The following CPA3 variants were observed in gnomAD, a reference collection of about 807,000 sequenced individuals.
The protein encoded by CPA3 is carboxypeptidase A3.
CPA3 carries 52 observed loss-of-function variants against 55.8 expected under a neutral mutation model. That is an observed-to-expected ratio of 0.93 (90% CI 0.75 to 1.17). The LOEUF is 1.17. Among genes scored for constraint, CPA3 ranks in the 50% most tolerant of loss-of-function variants. The pLI is 0.00. For missense variants in CPA3, 547 were observed against 509.1 expected, an observed-to-expected ratio of 1.07 and a Z score of -0.72; for synonymous variants, 179 against 171.2, an observed-to-expected ratio of 1.05 and a Z score of -0.36.
At position 148,878,439 on chromosome 3, in the gene CPA3, A is replaced by T. The variant is rs771236993; in HGVS notation, c.270-2A>T. 2.5e-6 allele frequency: 4 copies of T among 1,591,684 alleles called. No homozygotes were observed. Among genetic ancestry groups the T allele is most frequent in the East Asian group, 4.5e-5 (2 of 44,730 alleles). On this transcript the variant is annotated splice_acceptor_variant, in intron 3 of 10. Coordinates refer to ENST00000296046, the MANE Select transcript of CPA3 (RefSeq NM_001870.4). LOFTEE classifies it high-confidence loss of function. ...GTATTTTATCATTCCCCTGTCAAAC[A>T]GAATCTTGATTCATGATCTACAAGA...
At chr3:148,877,256 G>A (rs981465987) in intron 3 of CPA3, among the ~76,000 whole-genome samples, 8 of 152,362 alleles carry the variant, frequency 5.3e-5, no homozygotes, top group Admixed American at 5.2e-4. Context: ...AGCACTTCAG[G>A]AGGCTGAGGT....
intron 10 of CPA3, among the ~76,000 whole-genome samples, chr3:148,894,145 A>G (rs1279819134): frequency 6.6e-6 from 1 of 152,212 alleles, no homozygotes; most frequent in Non-Finnish European, 1.5e-5. Flanking sequence ...CCACATGATG[A>G]TTGAATCAAA....
intron 10 of CPA3, among the ~76,000 whole-genome samples, chr3:148,887,117 AT>A (rs944390721): frequency 1.4e-3 from 209 of 151,764 alleles, no homozygotes; most frequent in Middle Eastern, 3.4e-3. Flanking sequence ...GAAATCAGTA[AT>A]TTTTTTTTCT....
At chr3:148,880,649 A>G (rs939876111) in intron 6 of CPA3, among the ~76,000 whole-genome samples, 97 of 152,136 alleles carry the variant, frequency 6.4e-4, no homozygotes, top group African/African-American at 2.3e-3. Flanking sequence ...CACTTTTTTA[A>G]AAGGTTTATC....
chr3:148,878,507 C>T lies in CPA3; in HGVS notation c.336C>T (p.Gly112=), dbSNP rs1408477146. The change falls in exon 4 of 11, where the codon GGC becomes GGT. Residue 112 remains glycine (G), a synonymous_variant. Coordinates refer to ENST00000296046, the MANE Select transcript of CPA3 (RefSeq NM_001870.4). The stretch of plus-strand genomic sequence containing the variant: ...TTGATGTTAAAGAAGATATCCCAGG[C>T]AGGCACAGCTACGCAAAATACAATA... ...KQFDVKEDIP[G]RHSYAKYNNW... is the part of the protein sequence containing the mutation. 2 of 1,613,470 alleles carry T rather than the reference C, an allele frequency of 1.2e-6. No homozygotes were observed. The highest frequency in any genetic ancestry group is 2.2e-5 in the East Asian group (1 of 44,828).
chr3:148,884,068 T>A (rs1356404554), intron 9 of CPA3, among the ~76,000 whole-genome samples: 1 of 152,168 alleles, frequency 6.6e-6, no homozygotes, highest in African/African-American at 2.4e-5. Flanking sequence ...AGGAAAGGCA[T>A]AATAGAAGTC....
chr3:148,883,287 G>A (rs899571867), intron 8 of CPA3, among the ~76,000 whole-genome samples: 4 of 152,154 alleles, frequency 2.6e-5, no homozygotes, highest in South Asian at 2.1e-4. Flanking sequence ...AGCCCCCAGC[G>A]CATTAGAGCT....
At position 148,879,857 on chromosome 3, in the gene CPA3, T is replaced by C; in HGVS notation, c.544T>C (p.Ser182Pro). 1.2e-6 allele frequency: 2 copies of C among 1,612,664 alleles called. No homozygotes were observed. The highest frequency in any genetic ancestry group is 1.7e-6 in the Non-Finnish European group (2 of 1,178,774). ...DCGIHAREWVSPAFCQWFVYQ... is the reference protein window; with the variant it reads ...DCGIHAREWVPPAFCQWFVYQ... ...TGGCATTCACGCACGAGAATGGGTCTCCCCAGCATTCTGCCAGTGGTTTGT... is the reference window on the plus strand; with the variant it reads ...TGGCATTCACGCACGAGAATGGGTCCCCCCAGCATTCTGCCAGTGGTTTGT... Residue 182 changes from serine (S) to proline (P), a missense_variant, in exon 6 of 11, where the codon TCC (serine) becomes CCC (proline). Transcript: ENST00000296046.
chr3:148,867,082 T>C (rs895307418), intron 2 of CPA3, among the ~76,000 whole-genome samples: 2 of 152,194 alleles, frequency 1.3e-5, no homozygotes, highest in Admixed American at 6.5e-5. Context: ...GGTATTGGTA[T>C]AGCATTCAAA....
intron 6 of CPA3, 97 bp downstream of exon 6, chr3:148,879,986 G>C: frequency 1.3e-6 from 1 of 783,132 alleles, no homozygotes; most frequent in Non-Finnish European, 2.2e-6. Context: ...ATTCCACTTA[G>C]CTAGAAGAGC....
At chr3:148,896,128 C>T (rs1470311908) in intron 10 of CPA3, among the ~76,000 whole-genome samples, 1 of 151,294 alleles carries the variant, frequency 6.6e-6, no homozygotes, top group Admixed American at 6.6e-5. Flanking sequence ...AGAAGAAATG[C>T]AATTCTATGT....
At position 148,892,946 on chromosome 3, in the gene CPA3, C is replaced by A. The variant is rs1378036442; in HGVS notation, c.1067-3574C>A. 4.0e-5 allele frequency among the ~76,000 whole-genome samples: 6 copies of A among 151,230 alleles called. No individual in the cohort carries two copies. In the East Asian group the frequency reaches 1.2e-3, roughly 29 times the overall value. ...TTCTCGCCTGGGTGACAGAGTGAGA[C>A]TCCATCTCAAAAGAAAAAAAAAAAT... On this transcript the variant is annotated intron_variant, in intron 10 of 10. Coordinates refer to ENST00000296046, the MANE Select transcript of CPA3 (RefSeq NM_001870.4).
chr3:148,892,856 T>TAGTCCCCGCTACTTGGGAGGCTG (rs58822169), intron 10 of CPA3, among the ~76,000 whole-genome samples: 1 of 151,016 alleles, frequency 6.6e-6, no homozygotes. Context: ...CAGGCGCCTG[T>TAGTCCCCGCTACTTGGGAGGCTG]AGAGAGGAGA....
At chr3:148,875,699 A>G (rs183802807) in intron 3 of CPA3, among the ~76,000 whole-genome samples, 4 of 152,296 alleles carry the variant, frequency 2.6e-5, no homozygotes, top group African/African-American at 7.2e-5. Context: ...CTAAAATAAG[A>G]CAGACAAGAT....
Position 148,896,564 on chromosome 3 carries a change from A to T in CPA3, c.1111A>T (p.Ile371Phe), listed in dbSNP as rs772377917. 3 of 1,566,836 alleles carry T rather than the reference A, an allele frequency of 1.9e-6. No individual in the cohort carries two copies. In the Admixed American group the frequency reaches 5.0e-5, roughly 26 times the overall value. ...TTTAGACTGGGCTTATGACCTGGGC[A>T]TCAAACACACATTTGCCTTTGAGCT... ...SSLDWAYDLG[I>F]KHTFAFELRD... Residue 371 changes from isoleucine (I) to phenylalanine (F), a missense_variant, in exon 11 of 11, where the codon ATC becomes TTC. Coordinates refer to ENST00000296046, the MANE Select transcript of CPA3 (RefSeq NM_001870.4).
chr3:148,869,114 C>A (rs950917458), intron 3 of CPA3, 75 bp downstream of exon 3: 7 of 1,525,002 alleles, frequency 4.6e-6, no homozygotes, highest in Non-Finnish European at 6.2e-6. Flanking sequence ...GAAAGTATTA[C>A]AATGGACCTA....
chr3:148,891,323 A>G (rs1429516776), intron 10 of CPA3, among the ~76,000 whole-genome samples: 2 of 152,132 alleles, frequency 1.3e-5, no homozygotes, highest in Non-Finnish European at 2.9e-5. Context: ...TGTTAAACAA[A>G]TTAAGTTCTG....
At chr3:148,893,705 A>G (rs1714737542) in intron 10 of CPA3, among the ~76,000 whole-genome samples, 1 of 152,236 alleles carries the variant, frequency 6.6e-6, no homozygotes, top group Non-Finnish European at 1.5e-5. Context: ...GGAATAACCC[A>G]GAGAAACTCA....
At chr3:148,894,467 C>A (rs1247525252) in intron 10 of CPA3, among the ~76,000 whole-genome samples, 6 of 146,918 alleles carry the variant, frequency 4.1e-5, no homozygotes, top group African/African-American at 7.5e-5. Flanking sequence ...ACAGAAAGAA[C>A]AAAAAAAAAA....
Sources: gnomAD v4.1 joint callset for allele counts (sites outside exome capture counted in the v4.1 genomes callset) on GRCh38, gnomAD v4.1.1 for gene constraint, MANE v1.5 for transcripts, NCBI Gene and HGNC (gene_info 2026-07-23, HGNC 2026-07-21) for gene names.